Variants in UBE2E3 observed in about 807,000 individuals in gnomAD.
The protein encoded by UBE2E3 is ubiquitin-conjugating enzyme E2 E3.
Under a neutral mutation model 23.6 loss-of-function variants are expected in UBE2E3, and 5 were observed. The observed-to-expected ratio is 0.21, with a 90% CI of 0.11 to 0.44. The LOEUF is 0.44. Among genes scored for constraint, UBE2E3 ranks in the 20% least tolerant of loss-of-function variants. The probability of loss-of-function intolerance (pLI) is 0.99; values close to 1 mark genes in which losing one functional copy is unlikely to be tolerated. For missense variants in UBE2E3, 81 were observed against 249.8 expected (o/e 0.32, Z 4.55); for synonymous variants, 78 against 87.5 (o/e 0.89, Z 0.60).
chr2:181,050,821 G>A (rs953025053), intron 3 of UBE2E3, among the ~76,000 whole-genome samples: 1 of 151,792 alleles, frequency 6.6e-6, no homozygotes, highest in Non-Finnish European at 1.5e-5. Context: ...CAAAGAGTGG[G>A]CACTCCATAA....
chr2:180,981,869 TACG>T lies in UBE2E3; in HGVS notation c.-25-148_-25-146del. On this transcript the variant is annotated intron_variant, in intron 1 of 5. Transcript: ENST00000410062. Reference sequence around the variant, plus strand: ...GTTGTGTGACACATCACCTCCCTTGTACGTACCCCTGTTGTACGATGAAATAAG... The same window carrying T: ...GTTGTGTGACACATCACCTCCCTTGTTACCCCTGTTGTACGATGAAATAAG... 6.5e-6 allele frequency: 3 copies of T among 462,864 alleles called. 1 individual carries two copies. Among genetic ancestry groups the T allele is most frequent in the South Asian group, 6.6e-5 (2 of 30,152 alleles). 28.7% of individuals were successfully genotyped at this position (462,864 alleles called of 1,614,324 possible). A position where few individuals can be genotyped will look rare whatever the true frequency, so the allele number is the denominator to read the frequency against.
chr2:180,982,305 G>T, intron 2 of UBE2E3, 69 bp downstream of exon 2: 1 of 1,419,874 alleles, frequency 7.0e-7, no homozygotes, highest in South Asian at 1.3e-5. Flanking sequence ...CGCTTTTGTT[G>T]GTTTTACCTC....
intron 4 of UBE2E3, 23 bp from the exon 5 acceptor site, chr2:181,060,642 G>C (rs1687123591): frequency 6.4e-7 from 1 of 1,568,784 alleles, no homozygotes; most frequent in Non-Finnish European, 8.6e-7. Context: ...TTTTCCTTCT[G>C]TTTTTAATGT....
intron 3 of UBE2E3, among the ~76,000 whole-genome samples, chr2:181,043,799 CTTCT>C (rs1485339523): frequency 6.6e-6 from 1 of 152,102 alleles, no homozygotes; most frequent in Non-Finnish European, 1.5e-5. Flanking sequence ...GTGATCTACT[CTTCT>C]TTCTTAATCT....
At chr2:180,995,470 A>G (rs1246589636) in intron 3 of UBE2E3, among the ~76,000 whole-genome samples, 1 of 152,176 alleles carries the variant, frequency 6.6e-6, no homozygotes, top group Non-Finnish European at 1.5e-5. Flanking sequence ...CGTTTCTGTT[A>G]TTGGTAAGGC....
rs1687207440 is a variant in UBE2E3, at chr2:181,063,205, A to G, written c.*317A>G. 1 of 165,496 alleles carries G rather than the reference A, an allele frequency of 6.0e-6. No individual in the cohort carries two copies. Among genetic ancestry groups the G allele is most frequent in the Non-Finnish European group, 1.3e-5 (1 of 76,472 alleles). The allele number at this position is 165,496 out of a possible 1,614,324, so 10.3% of individuals were successfully genotyped here. On this transcript the variant is annotated 3_prime_UTR_variant, in exon 6 of 6. Coordinates refer to ENST00000410062, the MANE Select transcript of UBE2E3 (RefSeq NM_006357.4). This position sits in a 1 kb window ranked among gnomAD's most constrained non-coding sequence, Gnocchi z 4.1. The stretch of plus-strand genomic sequence containing the variant: ...ATTATAGTGCATTTTAGCCTAATTC[A>G]TTATCTGTATGAAGTTATAAAAGTA...
chr2:180,992,668 T>C (rs115098526), intron 3 of UBE2E3, among the ~76,000 whole-genome samples: 27 of 152,232 alleles, frequency 1.8e-4, no homozygotes, highest in African/African-American at 5.3e-4. Context: ...ACTAACTTTT[T>C]TTTTCTTTTT....
intron 4 of UBE2E3, 35 bp from the exon 5 acceptor site, chr2:181,060,630 C>T (rs1225209985): frequency 1.9e-6 from 3 of 1,542,310 alleles, no homozygotes; most frequent in South Asian, 2.5e-5. Flanking sequence ...ATACAGCATT[C>T]ATTTTCCTTC....
At chr2:181,018,043 G>T (rs546699476) in intron 3 of UBE2E3, among the ~76,000 whole-genome samples, 1 of 151,670 alleles carries the variant, frequency 6.6e-6, no homozygotes, top group South Asian at 2.1e-4. Context: ...TGTTTTCGTT[G>T]TATTTTTAAC....
At chr2:181,044,688 C>A (rs1389471462) in intron 3 of UBE2E3, among the ~76,000 whole-genome samples, 1 of 152,010 alleles carries the variant, frequency 6.6e-6, no homozygotes, top group African/African-American at 2.4e-5. Context: ...CTTCTTAATG[C>A]ATCTTTTGTT....
At chr2:180,992,737 C>T (rs1348958674) in intron 3 of UBE2E3, among the ~76,000 whole-genome samples, 1 of 152,104 alleles carries the variant, frequency 6.6e-6, no homozygotes, top group African/African-American at 2.4e-5. Flanking sequence ...TGTCAGCTCA[C>T]CGCAACCTCT....
At chr2:181,004,035 G>T (rs1436712200) in intron 3 of UBE2E3, among the ~76,000 whole-genome samples, 1 of 152,194 alleles carries the variant, frequency 6.6e-6, no homozygotes, top group African/African-American at 2.4e-5. Flanking sequence ...CACACTGCCT[G>T]CATCAGGTGT....
chr2:181,030,250 A>G (rs115468911), intron 3 of UBE2E3, among the ~76,000 whole-genome samples: 1 of 152,060 alleles, frequency 6.6e-6, no homozygotes, highest in East Asian at 1.9e-4. Context: ...AGTAATAATC[A>G]TATGGTTTTG....
rs767973313 is a variant in UBE2E3 at position 181,062,806 on chromosome 2, G to A, written c.542G>A (p.Gly181Glu). The A allele has an allele frequency of 6.2e-7, 1 of 1,602,220 alleles. No individual in the cohort carries two copies. The highest frequency in any genetic ancestry group is 8.5e-7 in the Non-Finnish European group (1 of 1,172,886). The stretch of plus-strand genomic sequence containing the variant: ...GCTTTTCCAGCGGATCCTCTGGTTG[G>A]AAGCATAGCCACTCAGTATTTGACC... ...TDCNPADPLVGSIATQYLTNR... is the reference protein window; with the variant it reads ...TDCNPADPLVESIATQYLTNR... Residue 181 changes from glycine (G) to glutamate (E), a missense_variant, in exon 6 of 6, where the codon GGA becomes GAA. Gly to Glu is a moderately conservative substitution (Grantham distance 98). Coordinates refer to ENST00000410062, the MANE Select transcript of UBE2E3 (RefSeq NM_006357.4).
chr2:181,035,410 A>C (rs1224462543), intron 3 of UBE2E3, among the ~76,000 whole-genome samples: 2 of 152,148 alleles, frequency 1.3e-5, no homozygotes, highest in Non-Finnish European at 2.9e-5. Context: ...TGTATTTATA[A>C]AAAATATGAA....
intron 3 of UBE2E3, among the ~76,000 whole-genome samples, chr2:181,040,452 A>T (rs1686453196): frequency 6.6e-6 from 1 of 152,164 alleles, no homozygotes; most frequent in Non-Finnish European, 1.5e-5. Context: ...TAAAGAATCA[A>T]TTTTTTGCCA....
intron 3 of UBE2E3, 62 bp from the exon 4 acceptor site, chr2:181,057,631 T>G (rs1012778874): frequency 7.1e-7 from 1 of 1,398,708 alleles, no homozygotes; most frequent in Non-Finnish European, 9.9e-7. Flanking sequence ...TTCCCTGGTT[T>G]TAGGATATTA....
chr2:180,999,067 T>C (rs1418576421), intron 3 of UBE2E3, among the ~76,000 whole-genome samples: 1 of 152,106 alleles, frequency 6.6e-6, no homozygotes, highest in Non-Finnish European at 1.5e-5. Flanking sequence ...TTGAGGCAAA[T>C]GTAGTATGAA....
chr2:181,001,011 G>C (rs1406425312), intron 3 of UBE2E3, among the ~76,000 whole-genome samples: 1 of 152,184 alleles, frequency 6.6e-6, no homozygotes, highest in Non-Finnish European at 1.5e-5. Flanking sequence ...CAGTAATGAA[G>C]ATATTAAGAT....
Sources: allele counts gnomAD v4.1 joint callset (sites outside exome capture counted in the v4.1 genomes callset), GRCh38; gene constraint gnomAD v4.1.1; non-coding constraint Gnocchi (gnomAD v3.1); transcripts MANE v1.5; gene names NCBI Gene and HGNC (gene_info 2026-07-23, HGNC 2026-07-21).